CABLES2: variants seen among roughly 807,000 people sequenced by gnomAD.
CABLES2 encodes Cdk5 and Abl enzyme substrate 2, also known as CDK5 and ABL1 enzyme substrate 2.
Under a neutral mutation model 44.8 loss-of-function variants are expected in CABLES2, and 35 were observed. The observed-to-expected ratio is 0.78, with a 90% CI of 0.60 to 1.04. CABLES2 has a LOEUF of 1.04. CABLES2 is among the 50% of genes least tolerant of loss of function. CABLES2 has a pLI of 0.00. For synonymous variants in CABLES2, 282 were observed against 281.1 expected (o/e 1.00, Z -0.03); for missense variants, 566 against 615.7 (o/e 0.92, Z 0.85).
intron 1 of CABLES2, chr20:62,403,447 C>G (rs977258463): frequency 6.6e-6 from 1 of 152,426 alleles, no homozygotes; most frequent in African/African-American, 2.4e-5. Flanking sequence ...GAGGCGGAGG[C>G]AGAAACTGGA....
intron 1 of CABLES2, among the ~76,000 whole-genome samples, chr20:62,399,737 G>A (rs1291880846): frequency 1.3e-5 from 2 of 151,880 alleles, no homozygotes; most frequent in African/African-American, 4.8e-5. Context: ...GAGAGTACAG[G>A]CGCCTGTCAC....
At position 62,392,478 on chromosome 20, in the gene CABLES2, G is replaced by A. The variant is rs748040117; in HGVS notation, c.1002C>T (p.Tyr334=). 1.3e-5 allele frequency: 21 copies of A among 1,613,714 alleles called. No individual in the cohort carries two copies. The highest frequency in any genetic ancestry group is 6.7e-5 in the East Asian group (3 of 44,890). ...FASYMTTVIE[Y]VKPSDLKKDM... is the part of the protein sequence containing the mutation. ...CCTTTTTGAGGTCTGAGGGCTTCACGTATTCTATCACTGTGGTCTGCAACA... is the reference window on the plus strand; with the variant it reads ...CCTTTTTGAGGTCTGAGGGCTTCACATATTCTATCACTGTGGTCTGCAACA... The change falls in exon 8 of 10, where the codon TAC becomes TAT. Residue 334 remains tyrosine, a synonymous_variant. Transcript: ENST00000279101.
intron 1 of CABLES2, chr20:62,403,854 GT>G (rs1988232846): frequency 6.6e-6 from 1 of 152,268 alleles, no homozygotes; most frequent in South Asian, 2.1e-4. Context: ...GAAAGAATAA[GT>G]ATTAGGACCG....
At chr20:62,400,746 G>A (rs1192634421) in intron 1 of CABLES2, among the ~76,000 whole-genome samples, 5 of 152,184 alleles carry the variant, frequency 3.3e-5, no homozygotes, top group East Asian at 1.9e-4. Context: ...GGCCCAGGAC[G>A]CAGAGGAGCT....
At chr20:62,398,902 C>T (rs566660481) in intron 1 of CABLES2, among the ~76,000 whole-genome samples, 5 of 152,374 alleles carry the variant, frequency 3.3e-5, no homozygotes, top group Admixed American at 6.5e-5. Context: ...CAGTGTAGTC[C>T]TGGTTGGTAC....
chr20:62,401,767 G>T (rs1485567863), intron 1 of CABLES2, among the ~76,000 whole-genome samples: 1 of 152,228 alleles, frequency 6.6e-6, no homozygotes, highest in Non-Finnish European at 1.5e-5. Context: ...GGGCACCAGG[G>T]AGCTGGGGGA....
intron 1 of CABLES2, among the ~76,000 whole-genome samples, chr20:62,401,712 A>G (rs73143455): frequency 0.18 from 27,660 of 152,174 alleles, 2,744 homozygotes; most frequent in Middle Eastern, 0.26. Context: ...GAGGCTCGTC[A>G]TGTGGTGACA....
chr20:62,391,501 TGAG>T lies in CABLES2; in HGVS notation c.1092-51_1092-49del, dbSNP rs771661330. On this transcript the variant is annotated intron_variant, in intron 8 of 9. Transcript: ENST00000279101. This position sits in a 1 kb window ranked among gnomAD's most constrained non-coding sequence, Gnocchi z 5.7. ...TGTCCCTGGGGGCTCTGGCTGGGGC[TGAG>T]GAGGCAGCCCCCTGCCACCACCAAC... is the stretch of plus-strand genomic sequence containing the variant. 6 of 1,590,150 alleles carry T rather than the reference TGAG, an allele frequency of 3.8e-6. No homozygotes were observed. Among genetic ancestry groups the T allele is most frequent in the East Asian group, 4.5e-5 (2 of 44,518 alleles).
rs1378656229 is a variant in CABLES2, at chr20:62,390,114, C to G, written c.*857G>C. On this transcript the variant is annotated 3_prime_UTR_variant, in exon 10 of 10. Coordinates refer to ENST00000279101, the MANE Select transcript of CABLES2 (RefSeq NM_031215.3). ...ATAAATATGTTATTTTTCTCCATCA[C>G]AATATTGCTTAGAAAAATAAGAGCC... 3 of 152,348 alleles carry G rather than the reference C, an allele frequency of 2.0e-5. No homozygotes were observed. The highest frequency in any genetic ancestry group is 7.2e-5 in the African/African-American group (3 of 41,406). The allele number at this position is 152,348 out of a possible 1,614,324, so 9.4% of individuals were successfully genotyped here. A position where few individuals can be genotyped will look rare whatever the true frequency, so the allele number is the denominator to read the frequency against.
chr20:62,398,037 ATGGTGATGGTGGTGATGGCGATGGTGG>A (rs1988074129), intron 1 of CABLES2, among the ~76,000 whole-genome samples: 1 of 81,018 alleles, frequency 1.2e-5, no homozygotes, highest in Non-Finnish European at 2.7e-5. Context: ...GGTGACAGTG[ATGGTGATGGTGGTGATGGCGATGGTGG>A]TGGTGACGGT....
intron 8 of CABLES2, 132 bp downstream of exon 8, chr20:62,392,257 C>T (rs559836027): frequency 2.0e-4 from 129 of 649,484 alleles, no homozygotes; most frequent in Admixed American, 3.2e-4. Context: ...GGGGCCTGGT[C>T]GGATGGCGAG....
At chr20:62,398,503 C>T (rs1988128185) in intron 1 of CABLES2, among the ~76,000 whole-genome samples, 1 of 152,196 alleles carries the variant, frequency 6.6e-6, no homozygotes, top group South Asian at 2.1e-4. Flanking sequence ...CCAATCTGGA[C>T]TCCGGGCCAA....
Position 62,392,424 on chromosome 20 carries a change from G to T in CABLES2, c.1056C>A (p.Phe352Leu), listed in dbSNP as rs1663314880. 1 of 1,614,044 alleles carries T rather than the reference G, an allele frequency of 6.2e-7. No homozygotes were observed. The highest frequency in any genetic ancestry group is 1.3e-5 in the African/African-American group (1 of 75,040). The change falls in exon 8 of 10, where the codon TTC becomes TTA. Residue 352 changes from phenylalanine (F) to leucine (L), a missense_variant. This residue lies in a region of CABLES2 where 436 missense variants were observed against 536.3 expected (regional missense o/e 0.81). Transcript: ENST00000279101. ...TGCTCAGCGTCAGTTTGACATGGGG[G>T]AACTTCTCCCTGAAGGTCTCGTTCA... ...KDMNETFREK[F>L]PHVKLTLSKI...
intron 3 of CABLES2, 99 bp from the exon 4 acceptor site, chr20:62,395,113 G>T: frequency 2.0e-6 from 2 of 1,002,514 alleles, no homozygotes; most frequent in Non-Finnish European, 3.1e-6. Context: ...AATTCCTTCT[G>T]CCTAAATTCA....
At chr20:62,393,884 G>T (rs113996541) in intron 5 of CABLES2, among the ~76,000 whole-genome samples, 3,849 of 152,328 alleles carry the variant, frequency 0.025, 157 homozygotes, top group African/African-American at 0.088. Flanking sequence ...AGGCCAGAGG[G>T]TTGGCGAGCC....
Position 62,398,181 on chromosome 20 carries a change from G to A in CABLES2, c.363-1589C>T, listed in dbSNP as rs796299843. The stretch of plus-strand genomic sequence containing the variant: ...GACGGTGATGGTGGTAATGGTGGTG[G>A]TGGTGATGGTGATGATGGTGGTGAT... On this transcript the variant is annotated intron_variant, in intron 1 of 9. Coordinates refer to ENST00000279101, the MANE Select transcript of CABLES2 (RefSeq NM_031215.3). Among the ~76,000 whole-genome samples, 319 of 55,930 alleles carry A rather than the reference G, an allele frequency of 5.7e-3. 9 individuals carry two copies. The highest frequency in any genetic ancestry group is 0.031 in the African/African-American group (133 of 4,252). 36.7% of individuals were successfully genotyped at this position (55,930 alleles called of 152,430 possible). A position where few individuals can be genotyped will look rare whatever the true frequency, so the allele number is the denominator to read the frequency against.
Position 62,391,453 on chromosome 20 carries a change from G to A in CABLES2, c.1092C>T (p.Ser364=). Residue 364 remains serine (S), a splice_region_variant and synonymous_variant, in exon 9 of 10, where the codon AGC becomes AGT. Transcript: ENST00000279101. The surrounding 1 kb of genome is among the most constrained non-coding windows in gnomAD (Gnocchi z 5.7). ...HVKLTLSKIR[S]LKREMRSLSE... is the part of the protein sequence containing the mutation. ...ACAGGCTCCGCATCTCCCGCTTTAA[G>A]CTGTGGGTTAAGACAGAAGCCATGT... 1 of 1,612,994 alleles carries A rather than the reference G, an allele frequency of 6.2e-7. No individual in the cohort carries two copies. Among genetic ancestry groups the A allele is most frequent in the African/African-American group, 1.3e-5 (1 of 75,070 alleles).
chr20:62,392,504 G>C lies in CABLES2; in HGVS notation c.985-9C>G. 2.5e-6 allele frequency: 4 copies of C among 1,607,880 alleles called. No individual in the cohort carries two copies. Among genetic ancestry groups the C allele is most frequent in the Non-Finnish European group, 1.7e-6 (2 of 1,174,318 alleles). ...TATTCTATCACTGTGGTCTGCAACA[G>C]AGAGTGGGCAGGGTTGGGCCGGCCC... On this transcript the variant is annotated splice_polypyrimidine_tract_variant and intron_variant, in intron 7 of 9. Coordinates refer to ENST00000279101, the MANE Select transcript of CABLES2 (RefSeq NM_031215.3).
chr20:62,403,834 G>A (rs1988232516), intron 1 of CABLES2: 1 of 152,256 alleles, frequency 6.6e-6, no homozygotes, highest in Non-Finnish European at 1.5e-5. Context: ...ACCAGGCTGA[G>A]CCTCCCTGGG....
Sources: gnomAD v4.1 joint callset for allele counts (sites outside exome capture counted in the v4.1 genomes callset) on GRCh38, gnomAD v4.1.1 for gene constraint, gnomAD v4.1.1 regional missense constraint, Gnocchi (gnomAD v3.1) non-coding constraint, MANE v1.5 for transcripts, NCBI Gene and HGNC (gene_info 2026-07-23, HGNC 2026-07-21) for gene names.